PHTF2: variants seen among roughly 807,000 people sequenced by gnomAD.
PHTF2 encodes protein PHTF2.
In PHTF2, 60 loss-of-function variants were observed where a neutral mutation model predicts 101.2. The ratio of observed to expected loss-of-function variants is 0.59; its 90% confidence interval spans 0.48 to 0.73. The LOEUF (loss-of-function observed/expected upper bound fraction) is 0.73, where lower values mean the gene tolerates loss of function less well. Among genes scored for constraint, PHTF2 ranks in the 30% least tolerant of loss-of-function variants. The pLI is 0.00. For missense variants in PHTF2, 747 were observed against 908.7 expected, an observed-to-expected ratio of 0.82 and a Z score of 2.29; for synonymous variants, 311 against 307.3, an observed-to-expected ratio of 1.01 and a Z score of -0.13.
At chr7:77,834,538 C>T (rs1011218863) in intron 1 of PHTF2, among the ~76,000 whole-genome samples, 1 of 152,242 alleles carries the variant, frequency 6.6e-6, no homozygotes, top group Admixed American at 6.5e-5. Flanking sequence ...TGACTCAAGT[C>T]CTATACTCAC....
At chr7:77,955,184 G>A (rs546104832) in exon 20 of PHTF2, 1 of 189,776 alleles carries the variant, frequency 5.3e-6, no homozygotes, top group Admixed American at 6.0e-5. Flanking sequence ...ATAACAAATT[G>A]TGAAAATAGA....
intron 1 of PHTF2, among the ~76,000 whole-genome samples, chr7:77,814,708 C>T (rs1010024676): frequency 2.6e-5 from 4 of 151,942 alleles, no homozygotes; most frequent in Non-Finnish European, 5.9e-5. Context: ...GATGGGGTAT[C>T]GCCATGTTGG....
At chr7:77,850,641 CAAAAA>C (rs545263519) in intron 2 of PHTF2, among the ~76,000 whole-genome samples, 1 of 52,756 alleles carries the variant, frequency 1.9e-5, no homozygotes, top group Admixed American at 2.1e-4. Context: ...GACCCTGTCT[CAAAAA>C]AAAAAAAAAA....
intron 14 of PHTF2, 36 bp downstream of exon 13, chr7:77,940,338 T>G (rs1805537720): frequency 6.6e-7 from 1 of 1,520,730 alleles, no homozygotes; most frequent in Non-Finnish European, 8.9e-7. Context: ...AAGAATATTT[T>G]ATCGTTTTCA....
intron 5 of PHTF2, among the ~76,000 whole-genome samples, chr7:77,894,831 G>A (rs1411173842): frequency 6.6e-6 from 1 of 152,158 alleles, no homozygotes; most frequent in East Asian, 1.9e-4. Context: ...GGAAATATAT[G>A]TAAAGGATGG....
chr7:77,939,850 TCTG>T lies in PHTF2; in HGVS notation c.1468-179_1468-177del, dbSNP rs993277815. On this transcript the variant is annotated intron_variant, in intron 13 of 19. Coordinates refer to ENST00000416283, the Ensembl canonical transcript of PHTF2. ...AGCGATCTGATAATTGTTTTTAAGA[TCTG>T]AAGAATTAATGACATTTTATATGTA... 3.9e-4 allele frequency among the ~76,000 whole-genome samples: 59 copies of T among 152,332 alleles called. No individual in the cohort carries two copies. In the Middle Eastern group the frequency reaches 0.01, roughly 26 times the overall value.
chr7:77,938,771 C>T (rs1048353748), intron 13 of PHTF2, among the ~76,000 whole-genome samples: 4 of 151,984 alleles, frequency 2.6e-5, no homozygotes, highest in Non-Finnish European at 5.9e-5. Context: ...AGCGAGACTC[C>T]GTCTCAAAAA....
intron 1 of PHTF2, among the ~76,000 whole-genome samples, chr7:77,831,285 C>T (rs1227782261): frequency 6.6e-6 from 1 of 152,250 alleles, no homozygotes. Context: ...ACCACTTCAT[C>T]AAGTGTGTCT....
chr7:77,910,935 A>C (rs1391184236), intron 9 of PHTF2, among the ~76,000 whole-genome samples: 2 of 152,020 alleles, frequency 1.3e-5, no homozygotes, highest in African/African-American at 4.8e-5. Context: ...TTTCTTTTAT[A>C]TTTCTGAAGT....
chr7:77,864,993 TAGG>T (rs917959401), intron 3 of PHTF2, among the ~76,000 whole-genome samples: 13 of 152,194 alleles, frequency 8.5e-5, no homozygotes, highest in African/African-American at 2.9e-4. Flanking sequence ...GTCTTAATAA[TAGG>T]AGCTTATTTA....
intron 1 of PHTF2, among the ~76,000 whole-genome samples, chr7:77,835,421 T>C (rs1795381317): frequency 1.3e-5 from 2 of 152,146 alleles, no homozygotes; most frequent in African/African-American, 4.8e-5. Context: ...GGAAATACAT[T>C]GTTTTCTGAG....
intron 12 of PHTF2, among the ~76,000 whole-genome samples, chr7:77,932,605 AGAGAGAGAGAGAGAGAGTGTGTGTGTGT>A (rs1804687717): frequency 2.7e-5 from 2 of 74,480 alleles, no homozygotes; most frequent in Admixed American, 1.4e-4. Flanking sequence ...AGAGAGAAAG[AGAGAGAGAGAGAGAGAGTGTGTGTGTGT>A]GTGTGTGTGT....
chr7:77,937,618 G>A (rs1805255651), intron 12 of PHTF2, 92 bp from the exon 12 acceptor site: 3 of 397,854 alleles, frequency 7.5e-6, no homozygotes, highest in African/African-American at 2.1e-5. Flanking sequence ...AAAATTGTGT[G>A]TGTATATAGA....
At chr7:77,916,994 A>G (rs1030124494) in intron 9 of PHTF2, among the ~76,000 whole-genome samples, 1 of 152,106 alleles carries the variant, frequency 6.6e-6, no homozygotes, top group Non-Finnish European at 1.5e-5. Flanking sequence ...GCATCTATAG[A>G]TTATTCTTGC....
chr7:77,902,166 A>G (rs1177458955), intron 7 of PHTF2, among the ~76,000 whole-genome samples: 2 of 152,174 alleles, frequency 1.3e-5, no homozygotes, highest in Non-Finnish European at 2.9e-5. Context: ...ATTTTTTAAA[A>G]TTAGAAAAAA....
chr7:77,895,211 GATAC>G (rs553325750), intron 5 of PHTF2: 31 of 454,072 alleles, frequency 6.8e-5, no homozygotes, highest in Admixed American at 7.1e-5. Flanking sequence ...GTTTGTATGT[GATAC>G]ATACATACAT....
At chr7:77,821,595 A>G (rs1794296618) in intron 1 of PHTF2, among the ~76,000 whole-genome samples, 1 of 151,992 alleles carries the variant, frequency 6.6e-6, no homozygotes, top group Non-Finnish European at 1.5e-5. Context: ...CAGGCCCTTG[A>G]CATGGCTTCA....
At position 77,940,015 on chromosome 7, in the gene PHTF2, C is replaced by T; in HGVS notation, c.1468-15C>T. On this transcript the variant is annotated splice_polypyrimidine_tract_variant and intron_variant, in intron 13 of 19. Coordinates refer to ENST00000416283, the Ensembl canonical transcript of PHTF2. ...TTTATTTTTCTTTTCTCTCTCTTCC[C>T]CTGGCTCCCTCAAGGTGAACAGCCA... 3 of 1,570,436 alleles carry T rather than the reference C, an allele frequency of 1.9e-6. No homozygotes were observed. The highest frequency in any genetic ancestry group is 2.6e-6 in the Non-Finnish European group (3 of 1,156,726).
At chr7:77,805,182 A>C (rs1215105753) in intron 1 of PHTF2, among the ~76,000 whole-genome samples, 1 of 152,144 alleles carries the variant, frequency 6.6e-6, no homozygotes, top group Non-Finnish European at 1.5e-5. Context: ...GTTTAATGTA[A>C]AGTTGTTAAA....
Sources: allele counts gnomAD v4.1 joint callset (sites outside exome capture counted in the v4.1 genomes callset), GRCh38; gene constraint gnomAD v4.1.1; transcripts MANE v1.5; gene names NCBI Gene and HGNC (gene_info 2026-07-23, HGNC 2026-07-21).